The following TTC12 variants were observed in gnomAD, a reference collection of about 807,000 sequenced individuals.
TTC12 encodes the protein tetratricopeptide repeat domain 12.
TTC12 carries 70 observed loss-of-function variants against 90.1 expected under a neutral mutation model. The ratio of observed to expected loss-of-function variants is 0.78; its 90% CI spans 0.64 to 0.95. The LOEUF is 0.95. Ranked by LOEUF, TTC12 falls within the 40% of genes least tolerant of loss-of-function variation. The probability of loss-of-function intolerance (pLI) is 0.00; values close to 1 mark genes in which losing one functional copy is unlikely to be tolerated. For synonymous variants in TTC12, 296 were observed against 311.5 expected, an observed-to-expected ratio of 0.95 and a Z score of 0.53; for missense variants, 819 against 846.1, an observed-to-expected ratio of 0.97 and a Z score of 0.40.
intron 3 of TTC12, 34 bp from the exon 4 acceptor site, chr11:113,323,960 G>A: frequency 6.3e-7 from 1 of 1,581,710 alleles, no homozygotes; most frequent in Non-Finnish European, 8.6e-7. Context: ...TTTGAAATTT[G>A]TTTCTTTGTT....
rs552132966 is a variant in TTC12 at position 113,344,364 on chromosome 11, A to T, written c.1078A>T (p.Ser360Cys). 10 of 1,614,028 alleles carry T rather than the reference A, an allele frequency of 6.2e-6. No individual in the cohort carries two copies. The South Asian group carries it at 1.1e-4, about 18-fold the overall frequency. Residue 360 changes from serine to cysteine, a missense_variant, in exon 13 of 22, where the codon AGC becomes TGC. Transcript: ENST00000529221. Reference sequence around the variant, plus strand: ...CAAGGTCCTGGCCATCCGGCAGCAGAGCTTTGCCCTGCTGCTGCATCTCGC... The same window carrying T: ...CAAGGTCCTGGCCATCCGGCAGCAGTGCTTTGCCCTGCTGCTGCATCTCGC... ...SSKVLAIRQQ[S>C]FALLLHLAQT...
downstream of TTC12, chr11:113,368,578 T>TCCTG (rs1242432326): frequency 1.5e-6 from 2 of 1,299,398 alleles, no homozygotes; most frequent in Admixed American, 3.9e-5. Flanking sequence ...AGGTGGCAGG[T>TCCTG]AACAGACAGT....
chr11:113,315,323 G>A (rs1946866618), intron 1 of TTC12: 1 of 152,194 alleles, frequency 6.6e-6, no homozygotes, highest in Non-Finnish European at 1.5e-5. Context: ...GAGGCTCGGA[G>A]AGGTTGTGAA....
At chr11:113,328,736 A>C (rs1019201479) in intron 6 of TTC12, among the ~76,000 whole-genome samples, 6 of 152,156 alleles carry the variant, frequency 3.9e-5, no homozygotes, top group African/African-American at 1.4e-4. Context: ...TGAACATTTC[A>C]TCATCATCCC....
At chr11:113,345,360 C>T (rs1555147769) in intron 13 of TTC12, among the ~76,000 whole-genome samples, 1 of 152,176 alleles carries the variant, frequency 6.6e-6, no homozygotes, top group African/African-American at 2.4e-5. Context: ...ACTCATGGGG[C>T]AGGAAGAACT....
chr11:113,366,777 C>T (rs758363618), downstream of TTC12, among the ~76,000 whole-genome samples: 4 of 152,210 alleles, frequency 2.6e-5, no homozygotes, highest in Non-Finnish European at 5.9e-5. Flanking sequence ...GCAGCTGACT[C>T]CTGGCCTGCA....
chr11:113,323,234 A>G, intron 2 of TTC12, 54 bp from the exon 3 acceptor site: 1 of 1,390,020 alleles, frequency 7.2e-7, no homozygotes, highest in Admixed American at 2.5e-5. Context: ...TTTCTAGTGA[A>G]TAGAGTCTTT....
chr11:113,345,832 C>T (rs1272925933), intron 13 of TTC12, among the ~76,000 whole-genome samples: 1 of 151,902 alleles, frequency 6.6e-6, no homozygotes, highest in Non-Finnish European at 1.5e-5. Context: ...TGAGCTTTTC[C>T]CCTCAAGCTA....
chr11:113,323,775 G>A (rs562969284), intron 3 of TTC12, among the ~76,000 whole-genome samples: 12 of 152,046 alleles, frequency 7.9e-5, no homozygotes, highest in African/African-American at 2.9e-4. Flanking sequence ...CCTTGACCTG[G>A]GCAGCCTTGT....
chr11:113,327,561 G>A (rs1947768240), intron 6 of TTC12, among the ~76,000 whole-genome samples: 1 of 152,038 alleles, frequency 6.6e-6, no homozygotes, highest in Admixed American at 6.6e-5. Context: ...TTTGGAAAAA[G>A]TAGTTCCTTT....
intron 21 of TTC12, 87 bp from the exon 22 acceptor site, chr11:113,366,138 C>T (rs1179630720): frequency 7.0e-7 from 1 of 1,435,536 alleles, no homozygotes; most frequent in Non-Finnish European, 9.7e-7. Context: ...TCTCAGCCAG[C>T]TTCCATCTGA....
downstream of TTC12, among the ~76,000 whole-genome samples, chr11:113,367,816 G>T (rs1950262330): frequency 6.6e-6 from 1 of 151,262 alleles, no homozygotes; most frequent in Admixed American, 6.6e-5. Context: ...GCACTCTGTG[G>T]TGGCGCCCTG....
intron 7 of TTC12, among the ~76,000 whole-genome samples, chr11:113,330,242 G>A (rs1408404969): frequency 2.0e-5 from 3 of 152,182 alleles, no homozygotes; most frequent in African/African-American, 7.2e-5. Flanking sequence ...TTACTATTGT[G>A]TTATCAGACA....
chr11:113,338,747 C>T (rs1555144866), intron 8 of TTC12, 27 bp from the exon 9 acceptor site: 1 of 1,596,318 alleles, frequency 6.3e-7, no homozygotes, highest in Non-Finnish European at 8.6e-7. Context: ...CCCAACCACT[C>T]TTCAAGGTCT....
chr11:113,360,723 G>A (rs58064172), intron 18 of TTC12, among the ~76,000 whole-genome samples: 2,394 of 152,278 alleles, frequency 0.016, 68 homozygotes, highest in African/African-American at 0.055. Context: ...CATCTAGGGT[G>A]GGTCTGGGAA....
intron 2 of TTC12, among the ~76,000 whole-genome samples, chr11:113,316,847 A>T (rs1946971350): frequency 6.6e-6 from 1 of 152,218 alleles, no homozygotes; most frequent in Non-Finnish European, 1.5e-5. Flanking sequence ...AAAGAAATGT[A>T]CTCTGATCCC....
At chr11:113,370,758 G>A (rs1283569415), downstream of TTC12, among the ~76,000 whole-genome samples, 2 of 152,182 alleles carry the variant, frequency 1.3e-5, no homozygotes, top group Non-Finnish European at 2.9e-5. Flanking sequence ...CCCCAGTTCT[G>A]GAGCAGGGCT....
At chr11:113,330,064 G>A in intron 7 of TTC12, 85 bp downstream of exon 7, 3 of 1,060,110 alleles carry the variant, frequency 2.8e-6, no homozygotes, top group Non-Finnish European at 4.4e-6. Flanking sequence ...ATAGGAAAGG[G>A]TATAGCCTCT....
chr11:113,350,925 C>G (rs1385638339), intron 14 of TTC12, among the ~76,000 whole-genome samples: 1 of 152,206 alleles, frequency 6.6e-6, no homozygotes, highest in Non-Finnish European at 1.5e-5. Flanking sequence ...CGCACACACA[C>G]GCTGTAGACT....
Sources: gnomAD v4.1 joint callset for allele counts (sites outside exome capture counted in the v4.1 genomes callset) on GRCh38, gnomAD v4.1.1 for gene constraint, MANE v1.5 for transcripts, NCBI Gene and HGNC (gene_info 2026-07-23, HGNC 2026-07-21) for gene names.